WDR82: variants seen among roughly 807,000 people sequenced by gnomAD.
WDR82 encodes the protein WD repeat domain 82, also known as WD repeat-containing protein 82.
Under a neutral mutation model 36.1 loss-of-function variants are expected in WDR82, and 8 were observed. The ratio of observed to expected loss-of-function variants is 0.22; its 90% CI spans 0.13 to 0.40. The LOEUF (loss-of-function observed/expected upper bound fraction) is 0.40. Among genes scored for constraint, WDR82 ranks in the 10% least tolerant of loss-of-function variants. The pLI, the probability that WDR82 is intolerant of heterozygous loss-of-function variation, is 1.00. For synonymous variants in WDR82, 129 were observed against 137.8 expected (o/e 0.94, Z 0.45); for missense variants, 185 against 400.5 (o/e 0.46, Z 4.59).
chr3:52,277,203 C>A (rs1003118505), intron 1 of WDR82, among the ~76,000 whole-genome samples: 1 of 151,868 alleles, frequency 6.6e-6, no homozygotes, highest in Admixed American at 6.6e-5. Context: ...AAGGGTAAAA[C>A]GAATTTAATC....
Position 52,257,449 on chromosome 3 carries a change from G to A in WDR82, c.*41C>T. The A allele has an allele frequency of 6.2e-7, 1 of 1,613,964 alleles. No homozygotes were observed. Among genetic ancestry groups the A allele is most frequent in the Non-Finnish European group, 8.5e-7 (1 of 1,179,896 alleles). ...AGTTCCCTCTGAGTTTCTTCCTGCT[G>A]GCCGCCCTCACTATACAGAAATAGC... is the stretch of plus-strand genomic sequence containing the variant. On this transcript the variant is annotated 3_prime_UTR_variant, in exon 9 of 9. Transcript: ENST00000296490.
intron 1 of WDR82, among the ~76,000 whole-genome samples, chr3:52,276,786 AT>A (rs1488771091): frequency 6.6e-6 from 1 of 152,034 alleles, no homozygotes; most frequent in Non-Finnish European, 1.5e-5. Flanking sequence ...TCAAATAACT[AT>A]TTGTCCAGCT....
At chr3:52,272,735 G>A (rs977228659) in intron 1 of WDR82, among the ~76,000 whole-genome samples, 3 of 152,138 alleles carry the variant, frequency 2.0e-5, no homozygotes, top group African/African-American at 7.2e-5. Context: ...TCCAATTTAT[G>A]AAAAGGAAAG....
chr3:52,271,059 C>A (rs1363450010), intron 1 of WDR82, among the ~76,000 whole-genome samples: 1 of 151,754 alleles, frequency 6.6e-6, no homozygotes, highest in Non-Finnish European at 1.5e-5. Context: ...TCTGGGGATT[C>A]AATTCAGTCT....
chr3:52,268,155 A>G, intron 2 of WDR82: 1 of 305,444 alleles, frequency 3.3e-6, no homozygotes. Flanking sequence ...TAGTTATTCT[A>G]CTGCTAACAA....
chr3:52,260,110 C>G (rs1434453187), intron 5 of WDR82, among the ~76,000 whole-genome samples: 1 of 152,186 alleles, frequency 6.6e-6, no homozygotes, highest in Non-Finnish European at 1.5e-5. Context: ...GTGGGTGGAT[C>G]ACCAGAGGTG....
chr3:52,262,495 C>A (rs1300687434), intron 3 of WDR82, among the ~76,000 whole-genome samples: 1 of 152,182 alleles, frequency 6.6e-6, no homozygotes, highest in African/African-American at 2.4e-5. Flanking sequence ...TCAGCATCAC[C>A]TGGAGGGTGG....
chr3:52,260,483 C>G lies in WDR82; in HGVS notation c.445G>C (p.Gly149Arg). The G allele has an allele frequency of 6.3e-7, 1 of 1,586,692 alleles. No homozygotes were observed. The highest frequency in any genetic ancestry group is 2.3e-5 in the East Asian group (1 of 42,930). Reference protein sequence around the residue: ...PNCQGLMHLQGKPVCSFDPEG... With the variant: ...PNCQGLMHLQRKPVCSFDPEG... ...GGATCAAAAGAACAAACTGGCTTCC[C>G]CTGCAGATGCATGAGGCCCTAAGAG... The change falls in exon 5 of 9, where the codon GGG becomes CGG. Residue 149 changes from glycine to arginine, a missense_variant. Transcript: ENST00000296490.
intron 8 of WDR82, 138 bp from the exon 9 acceptor site, chr3:52,257,657 G>A (rs529403465): frequency 7.8e-5 from 67 of 861,108 alleles, no homozygotes; most frequent in Admixed American, 3.3e-4. Context: ...AACCAACCCC[G>A]ATGCTCTAAG....
At position 52,278,254 on chromosome 3, in the gene WDR82, G is replaced by A; in HGVS notation, c.108C>T (p.Val36=). Residue 36 remains valine (V), a synonymous_variant, in exon 1 of 9, where the codon GTC becomes GTT. Coordinates refer to ENST00000296490, the MANE Select transcript of WDR82 (RefSeq NM_025222.4). ...TGGAGTCGTCGTCGCTACTCGAGAT[G>A]ACCGTCTCGCCGTTGGGGCTGAAAT... ...CFDFSPNGET[V]ISSSDDDSIV... The A allele has an allele frequency of 6.2e-7, 1 of 1,611,116 alleles. No individual in the cohort carries two copies. The highest frequency in any genetic ancestry group is 8.5e-7 in the Non-Finnish European group (1 of 1,178,858).
rs1456771586 is a variant in WDR82, at chr3:52,256,681, TAGGCACCC to T, written c.*801_*808del. On this transcript the variant is annotated 3_prime_UTR_variant, in exon 9 of 9. Coordinates refer to ENST00000296490, the MANE Select transcript of WDR82 (RefSeq NM_025222.4). The stretch of plus-strand genomic sequence containing the variant: ...TTGCTTTTGTACAAACCAAGCTTGG[TAGGCACCC>T]AGGAGGACCGTGGGTTTGTCTTGAT... 1 of 153,710 alleles carries T rather than the reference TAGGCACCC, an allele frequency of 6.5e-6. No individual in the cohort carries two copies. The highest frequency in any genetic ancestry group is 1.5e-5 in the Non-Finnish European group (1 of 68,064). The allele number at this position is 153,710 out of a possible 1,614,324, so 9.5% of individuals were successfully genotyped here. A position where few individuals can be genotyped will look rare whatever the true frequency, so the allele number is the denominator to read the frequency against.
At chr3:52,277,950 T>C (rs887524315) in intron 1 of WDR82, among the ~76,000 whole-genome samples, 1 of 151,970 alleles carries the variant, frequency 6.6e-6, no homozygotes, top group Non-Finnish European at 1.5e-5. Context: ...TGGCAAGTGA[T>C]GCATAGCGCT....
At chr3:52,269,250 A>G (rs1440735803) in intron 2 of WDR82, among the ~76,000 whole-genome samples, 2 of 151,928 alleles carry the variant, frequency 1.3e-5, no homozygotes, top group Non-Finnish European at 2.9e-5. Flanking sequence ...TGAGGCAGGC[A>G]GATCACTTGA....
At chr3:52,276,758 T>G (rs996299305) in intron 1 of WDR82, among the ~76,000 whole-genome samples, 1 of 152,154 alleles carries the variant, frequency 6.6e-6, no homozygotes, top group Admixed American at 6.6e-5. Flanking sequence ...ATCCATCTAC[T>G]CAATGAGTAA....
chr3:52,257,765 C>G (rs1364532501), intron 8 of WDR82, among the ~76,000 whole-genome samples: 2 of 151,784 alleles, frequency 1.3e-5, no homozygotes, highest in African/African-American at 4.8e-5. Flanking sequence ...CCCCCGCCCC[C>G]TTTTTTTTAA....
Position 52,275,738 on chromosome 3 carries a change from G to A in WDR82, c.161+2463C>T, listed in dbSNP as rs534204979. Among the ~76,000 whole-genome samples, 13 of 152,256 alleles carry A rather than the reference G, an allele frequency of 8.5e-5. 1 individual carries two copies. ...GCCTCTACTAAAGATACAAAAATTAGCCAGGCATGGTGGCATGCACCTGTA... is the reference window on the plus strand; with the variant it reads ...GCCTCTACTAAAGATACAAAAATTAACCAGGCATGGTGGCATGCACCTGTA... On this transcript the variant is annotated intron_variant, in intron 1 of 8. Coordinates refer to ENST00000296490, the MANE Select transcript of WDR82 (RefSeq NM_025222.4).
chr3:52,261,124 T>C (rs1057279209), intron 4 of WDR82, among the ~76,000 whole-genome samples: 19 of 151,966 alleles, frequency 1.3e-4, no homozygotes, highest in African/African-American at 4.4e-4. Flanking sequence ...AAACCCTGTC[T>C]CAAAACAAAA....
chr3:52,267,063 A>T, intron 2 of WDR82, 45 bp from the exon 3 acceptor site: 1 of 1,468,758 alleles, frequency 6.8e-7, no homozygotes, highest in Non-Finnish European at 9.4e-7. Context: ...ACTATTTAAA[A>T]GAAATTTACT....
chr3:52,257,781 G>C (rs1178825120), intron 8 of WDR82, among the ~76,000 whole-genome samples: 1 of 151,750 alleles, frequency 6.6e-6, no homozygotes, highest in Admixed American at 6.6e-5. Flanking sequence ...TTTAAAGGAA[G>C]GGAAAAAAAG....
Sources: gnomAD v4.1 joint callset for allele counts (sites outside exome capture counted in the v4.1 genomes callset) on GRCh38, gnomAD v4.1.1 for gene constraint, MANE v1.5 for transcripts, NCBI Gene and HGNC (gene_info 2026-07-23, HGNC 2026-07-21) for gene names.